MDGA2: variants seen among roughly 807,000 people sequenced by gnomAD.
MDGA2 encodes the protein MAM domain containing glycosylphosphatidylinositol anchor 2.
MDGA2 carries 40 observed loss-of-function variants against 117.8 expected under a neutral mutation model. The ratio of observed to expected loss-of-function variants is 0.34; its 90% CI spans 0.26 to 0.44. MDGA2 has a LOEUF of 0.44. MDGA2 is among the 20% of genes least tolerant of loss of function. The pLI is 1.00. For synonymous variants in MDGA2, 452 were observed against 439.0 expected (o/e 1.03, Z -0.37); for missense variants, 1,123 against 1,250.6 (o/e 0.90, Z 1.54).
At chr14:47,063,051 T>C (rs1547809) in intron 6 of MDGA2, among the ~76,000 whole-genome samples, 30,275 of 151,912 alleles carry the variant, frequency 0.2, 3,082 homozygotes, top group Admixed American at 0.29. Context: ...ATGGCCCTCA[T>C]GTACTGCAGC....
intron 3 of MDGA2, among the ~76,000 whole-genome samples, chr14:47,175,658 T>A (rs1180174649): frequency 6.6e-6 from 1 of 151,630 alleles, no homozygotes; most frequent in East Asian, 1.9e-4. Context: ...CTCAAAATAA[T>A]AAGAGCTATC....
intron 3 of MDGA2, among the ~76,000 whole-genome samples, chr14:47,157,774 GATA>G (rs1304624115): frequency 1.3e-5 from 2 of 151,998 alleles, no homozygotes; most frequent in African/African-American, 4.8e-5. Context: ...CTATTCTCGT[GATA>G]ATAAGTTCTC....
At chr14:47,000,132 A>T (rs1012087206) in intron 8 of MDGA2, among the ~76,000 whole-genome samples, 1 of 151,260 alleles carries the variant, frequency 6.6e-6, no homozygotes, top group Non-Finnish European at 1.5e-5. Flanking sequence ...CATGAATATT[A>T]GTGGTTGCCA....
intron 4 of MDGA2, 76 bp from the exon 5 acceptor site, chr14:47,131,922 T>G: frequency 8.8e-7 from 1 of 1,142,832 alleles, no homozygotes; most frequent in Non-Finnish European, 1.2e-6. Flanking sequence ...TCACATCACA[T>G]TACATTGTAT....
chr14:47,196,549 T>C (rs1885294371), intron 3 of MDGA2, among the ~76,000 whole-genome samples: 1 of 152,186 alleles, frequency 6.6e-6, no homozygotes, highest in African/African-American at 2.4e-5. Flanking sequence ...AGATGAATAG[T>C]GGCATAACCC....
chr14:47,189,845 G>A (rs551363777), intron 3 of MDGA2, among the ~76,000 whole-genome samples: 94 of 152,112 alleles, frequency 6.2e-4, no homozygotes, highest in African/African-American at 2.1e-3. Context: ...AATCATTTTT[G>A]GTGGTCTTTC....
intron 3 of MDGA2, among the ~76,000 whole-genome samples, chr14:47,158,384 G>A (rs1883494486): frequency 6.6e-6 from 1 of 151,790 alleles, no homozygotes; most frequent in South Asian, 2.1e-4. Context: ...GTGTGTGTGT[G>A]TGTGTGTGTG....
intron 1 of MDGA2, among the ~76,000 whole-genome samples, chr14:47,628,776 G>A (rs1594952012): frequency 6.6e-6 from 1 of 152,354 alleles, no homozygotes; most frequent in Admixed American, 6.5e-5. Flanking sequence ...CCCCCAGCTG[G>A]TGTGAGAGTT....
chr14:47,428,087 C>T (rs1456855217), intron 1 of MDGA2, among the ~76,000 whole-genome samples: 1 of 152,052 alleles, frequency 6.6e-6, no homozygotes, highest in Admixed American at 6.6e-5. Flanking sequence ...AGGAAACTTT[C>T]CTAGGGATGC....
chr14:47,173,719 G>T (rs1023571226), intron 3 of MDGA2, among the ~76,000 whole-genome samples: 2 of 152,128 alleles, frequency 1.3e-5, no homozygotes, highest in Admixed American at 6.6e-5. Context: ...AGACCATCAA[G>T]ACTAGGAAGA....
rs1194386893 is a variant in MDGA2 at position 47,646,926 on chromosome 14, C to A, written c.280+27591G>T. Among the ~76,000 whole-genome samples the A allele has an allele frequency of 5.3e-5, 8 of 152,202 alleles. No individual in the cohort carries two copies. The South Asian group carries it at 1.2e-3, about 24-fold the overall frequency. ...ATTAATATCTCTGCTTCCCTTGGGC[C>A]AAGTTTCACTCAACTATTTAGGAGC... On this transcript the variant is annotated intron_variant, in intron 1 of 16. Transcript: ENST00000399232.
At chr14:47,640,115 T>C (rs1897396594) in intron 1 of MDGA2, among the ~76,000 whole-genome samples, 1 of 152,198 alleles carries the variant, frequency 6.6e-6, no homozygotes, top group Non-Finnish European at 1.5e-5. Flanking sequence ...TTCGCACATT[T>C]AATGCACAAC....
chr14:47,107,513 A>G (rs1408731536), intron 5 of MDGA2, among the ~76,000 whole-genome samples: 1 of 152,058 alleles, frequency 6.6e-6, no homozygotes, highest in Non-Finnish European at 1.5e-5. Context: ...CCTGACATCC[A>G]TCAAGCTCAG....
chr14:47,253,692 G>A (rs1334584476), intron 2 of MDGA2, among the ~76,000 whole-genome samples: 1 of 152,160 alleles, frequency 6.6e-6, no homozygotes, highest in African/African-American at 2.4e-5. Context: ...CTACCATTCA[G>A]GGATCTGGAG....
chr14:46,987,134 T>G (rs1238472552), intron 8 of MDGA2, among the ~76,000 whole-genome samples: 1 of 152,112 alleles, frequency 6.6e-6, no homozygotes, highest in African/African-American at 2.4e-5. Context: ...CTCCACTTAT[T>G]TTAATAAATT....
Position 47,155,888 on chromosome 14 carries a change from CTTTTTTTTTTTTTTTTTTTTTTTTTTTTT to C in MDGA2, c.596-11643_596-11615del, listed in dbSNP as rs55827732. Among the ~76,000 whole-genome samples, 9 of 40,164 alleles carry C rather than the reference CTTTTTTTTTTTTTTTTTTTTTTTTTTTTT, an allele frequency of 2.2e-4. No individual in the cohort carries two copies. In the South Asian group the frequency reaches 5.9e-3, roughly 26 times the overall value. The allele number at this position is 40,164 out of a possible 152,430, so 26.3% of individuals were successfully genotyped here. ...ATTCTTTTCTTTTCTTCTTCTTCTT[CTTTTTTTTTTTTTTTTTTTTTTTTTTTTT>C]TTTTTTTTTTTTTTGAGACAGAGTC... On this transcript the variant is annotated intron_variant, in intron 3 of 16. Coordinates refer to ENST00000399232, the MANE Select transcript of MDGA2 (RefSeq NM_001113498.3).
chr14:47,175,509 A>C (rs1377531859), intron 3 of MDGA2, among the ~76,000 whole-genome samples: 3 of 151,042 alleles, frequency 2.0e-5, no homozygotes, highest in East Asian at 1.9e-4. Flanking sequence ...GCAAATCAAT[A>C]AATGTAATCC....
chr14:47,549,343 A>ATCTCTCTCTCCCTCTCTCTC (rs1895532353), intron 1 of MDGA2, among the ~76,000 whole-genome samples: 1 of 140,112 alleles, frequency 7.1e-6, no homozygotes, highest in Non-Finnish European at 1.5e-5. Flanking sequence ...CACCAGTATT[A>ATCTCTCTCTCCCTCTCTCTC]TCTCTCTCTC....
intron 1 of MDGA2, among the ~76,000 whole-genome samples, chr14:47,551,110 T>C (rs534271028): frequency 6.6e-6 from 1 of 152,320 alleles, no homozygotes; most frequent in African/African-American, 2.4e-5. Context: ...TATTAGTATA[T>C]ATGTAAATAT....
Sources: gnomAD v4.1 joint callset for allele counts (sites outside exome capture counted in the v4.1 genomes callset) on GRCh38, gnomAD v4.1.1 for gene constraint, MANE v1.5 for transcripts, NCBI Gene and HGNC (gene_info 2026-07-23, HGNC 2026-07-21) for gene names.